The following UTRN variants were observed in gnomAD, a reference collection of about 807,000 sequenced individuals.
UTRN encodes the protein utrophin.
Under a neutral mutation model 463.9 loss-of-function variants are expected in UTRN, and 283 were observed. The ratio of observed to expected loss-of-function variants is 0.61; its 90% confidence interval spans 0.55 to 0.67. The LOEUF (loss-of-function observed/expected upper bound fraction) is 0.67, where lower values mean the gene tolerates loss of function less well. Ranked by LOEUF, UTRN falls within the 30% of genes least tolerant of loss-of-function variation. The pLI is 0.00. For missense variants in UTRN, 3,922 were observed against 4,084.3 expected (o/e 0.96, Z 1.08); for synonymous variants, 1,442 against 1,431.5 (o/e 1.01, Z -0.17).
chr6:144,595,057 G>A (rs1356844031), intron 51 of UTRN, among the ~76,000 whole-genome samples: 1 of 152,072 alleles, frequency 6.6e-6, no homozygotes, highest in East Asian at 1.9e-4. Flanking sequence ...TTAGAATACA[G>A]TACAAGTAAA....
At chr6:144,613,689 G>A (rs1218496715) in intron 51 of UTRN, among the ~76,000 whole-genome samples, 3 of 151,810 alleles carry the variant, frequency 2.0e-5, no homozygotes, top group African/African-American at 4.8e-5. Context: ...TGATTGTGGT[G>A]GTGGTCCCGC....
At chr6:144,517,778 C>T (rs376195453) in intron 39 of UTRN, among the ~76,000 whole-genome samples, 5 of 152,188 alleles carry the variant, frequency 3.3e-5, no homozygotes, top group South Asian at 4.1e-4. Context: ...CTATACCACA[C>T]AGCCTAAGTG....
chr6:144,592,509 T>C (rs1488402305), intron 51 of UTRN, among the ~76,000 whole-genome samples: 1 of 152,154 alleles, frequency 6.6e-6, no homozygotes, highest in East Asian at 1.9e-4. Flanking sequence ...TAGCTGGGAC[T>C]ACAGGCGTGC....
rs372763055 is a variant in UTRN at position 144,447,813 on chromosome 6, A to T, written c.1902+32A>T. On this transcript the variant is annotated intron_variant, in intron 16 of 74. Coordinates refer to ENST00000367545, the MANE Select transcript of UTRN (RefSeq NM_007124.3). Reference sequence around the variant, plus strand: ...TTTGATTTGGATCATATGTTGTGCCATGAAGTAAACATTTAAAATTTAAAT... The same window carrying T: ...TTTGATTTGGATCATATGTTGTGCCTTGAAGTAAACATTTAAAATTTAAAT... The T allele has an allele frequency of 8.3e-6, 13 of 1,557,220 alleles. No individual in the cohort carries two copies. The African/African-American group carries it at 1.1e-4, about 13-fold the overall frequency.
intron 2 of UTRN, among the ~76,000 whole-genome samples, chr6:144,370,117 G>A (rs1244278918): frequency 2.6e-5 from 4 of 152,226 alleles, no homozygotes; most frequent in Non-Finnish European, 5.9e-5. Flanking sequence ...AACAGGCAGA[G>A]CTTTGAAGAA....
chr6:144,511,957 G>C (rs563448033), intron 35 of UTRN, among the ~76,000 whole-genome samples: 14 of 152,136 alleles, frequency 9.2e-5, no homozygotes, highest in Admixed American at 8.5e-4. Flanking sequence ...GTAATGGATA[G>C]AGACATAAAA....
At chr6:144,654,441 A>G (rs1209732550) in intron 51 of UTRN, among the ~76,000 whole-genome samples, 1 of 152,208 alleles carries the variant, frequency 6.6e-6, no homozygotes, top group Non-Finnish European at 1.5e-5. Context: ...CCTCCTGGGG[A>G]AAGTACCAGC....
At chr6:144,570,315 T>C (rs1314752150) in intron 50 of UTRN, among the ~76,000 whole-genome samples, 3 of 152,132 alleles carry the variant, frequency 2.0e-5, no homozygotes, top group African/African-American at 7.2e-5. Context: ...CAGTGACCAC[T>C]CAGAGGATTA....
chr6:144,851,010 GCCAA>G lies in UTRN; in HGVS notation c.*18_*21del, dbSNP rs768239778. On this transcript the variant is annotated 3_prime_UTR_variant, in exon 75 of 75. Coordinates refer to ENST00000367545, the MANE Select transcript of UTRN (RefSeq NM_007124.3). ...ATAGGCAATGTGAAGTATTCATCCGGCCAACCAATGTTTCCTGACGTACAGTGTT... is the reference window on the plus strand; with the variant it reads ...ATAGGCAATGTGAAGTATTCATCCGGCCAATGTTTCCTGACGTACAGTGTT... The G allele has an allele frequency of 3.1e-6, 5 of 1,613,430 alleles. No homozygotes were observed. In the Admixed American group the frequency reaches 5.0e-5, roughly 16 times the overall value.
chr6:144,324,386 G>A (rs996450812), intron 2 of UTRN, among the ~76,000 whole-genome samples: 4 of 152,168 alleles, frequency 2.6e-5, no homozygotes, highest in African/African-American at 9.7e-5. Context: ...GAAAGGAAAT[G>A]TAATTTTATG....
Position 144,320,094 on chromosome 6 carries a change from C to T in UTRN, c.79+28187C>T, listed in dbSNP as rs112310571. Among the ~76,000 whole-genome samples, 1,081 of 152,192 alleles carry T rather than the reference C, an allele frequency of 7.1e-3. 14 individuals are homozygous for T. Among genetic ancestry groups the T allele is most frequent in the African/African-American group, 0.025 (1,037 of 41,524 alleles). On this transcript the variant is annotated intron_variant, in intron 2 of 74. Transcript: ENST00000367545. ...GCCTTGAACTCCTGACCTCGTGATC[C>T]GCCCGCCTCCGCCTCCCAAAGTGCT...
chr6:144,309,233 T>C (rs777112829), intron 2 of UTRN, among the ~76,000 whole-genome samples: 1 of 152,194 alleles, frequency 6.6e-6, no homozygotes, highest in Non-Finnish European at 1.5e-5. Context: ...CTCCTCTCTG[T>C]CCCCACTGTT....
intron 51 of UTRN, among the ~76,000 whole-genome samples, chr6:144,646,627 C>T (rs556065470): frequency 3.3e-5 from 5 of 152,022 alleles, no homozygotes; most frequent in South Asian, 2.1e-4. Context: ...ATCATAATAC[C>T]GATCAAGAAA....
At chr6:144,422,332 T>C (rs1341812032) in intron 4 of UTRN, among the ~76,000 whole-genome samples, 2 of 152,188 alleles carry the variant, frequency 1.3e-5, no homozygotes, top group Non-Finnish European at 2.9e-5. Flanking sequence ...AAACAGTTGT[T>C]AAGGCTGGGC....
chr6:144,498,004 AG>A (rs1793822505), intron 33 of UTRN, among the ~76,000 whole-genome samples: 2 of 152,262 alleles, frequency 1.3e-5, no homozygotes, highest in South Asian at 4.1e-4. Flanking sequence ...GTAAGTAGCA[AG>A]AAGTGGTAGG....
In UTRN at chr6:144,328,999, G is replaced by A. The variant is rs181653123; in HGVS notation, c.79+37092G>A. ...GGAGTTACACCATGTTGGCCAGCCT[G>A]ATCTTGAAGTCCTGACCTCAGGTAA... On this transcript the variant is annotated intron_variant, in intron 2 of 74. Transcript: ENST00000367545. Among the ~76,000 whole-genome samples, 73 of 151,688 alleles carry A rather than the reference G, an allele frequency of 4.8e-4. No homozygotes were observed. In the East Asian group the frequency reaches 0.012, roughly 26 times the overall value.
chr6:144,615,392 C>T (rs1363686058), intron 51 of UTRN, among the ~76,000 whole-genome samples: 1 of 152,136 alleles, frequency 6.6e-6, no homozygotes, highest in Non-Finnish European at 1.5e-5. Context: ...TAGGAGTCCA[C>T]TTGTCTAACT....
chr6:144,421,425 C>T (rs1282552140), intron 3 of UTRN, among the ~76,000 whole-genome samples: 1 of 152,126 alleles, frequency 6.6e-6, no homozygotes, highest in African/African-American at 2.4e-5. Context: ...TGCAGTGGCT[C>T]ACGCCTGTAA....
intron 2 of UTRN, among the ~76,000 whole-genome samples, chr6:144,354,599 A>C (rs1778391964): frequency 6.6e-6 from 1 of 152,104 alleles, no homozygotes; most frequent in African/African-American, 2.4e-5. Context: ...AGCAGGGTAA[A>C]TGTTCTTGGT....
Sources: allele counts gnomAD v4.1 joint callset (sites outside exome capture counted in the v4.1 genomes callset), GRCh38; gene constraint gnomAD v4.1.1; transcripts MANE v1.5; gene names NCBI Gene and HGNC (gene_info 2026-07-23, HGNC 2026-07-21).